Variants in DPP10 observed in about 807,000 individuals in gnomAD.
DPP10 encodes the protein inactive dipeptidyl peptidase 10.
A neutral mutation model predicts 120.9 loss-of-function variants in DPP10; 33 were observed. The ratio of observed to expected loss-of-function variants is 0.27; its 90% CI spans 0.21 to 0.37. DPP10 has a LOEUF of 0.37. DPP10 is among the 10% of genes least tolerant of loss of function. DPP10 has a pLI of 1.00. For synonymous variants in DPP10, 337 were observed against 326.1 expected (o/e 1.03, Z -0.36); for missense variants, 816 against 942.8 (o/e 0.87, Z 1.76).
chr2:114,973,953 A>G (rs1054597527), intron 1 of DPP10, among the ~76,000 whole-genome samples: 6 of 152,164 alleles, frequency 3.9e-5, no homozygotes, highest in African/African-American at 9.7e-5. Context: ...CTTAGAGAAT[A>G]AGGATATGAT....
At chr2:114,529,222 A>G (rs534451817) in intron 1 of DPP10, among the ~76,000 whole-genome samples, 50 of 152,204 alleles carry the variant, frequency 3.3e-4, no homozygotes, top group African/African-American at 1.2e-3. Flanking sequence ...AATTTTGCTC[A>G]TATCTGTGTT....
At chr2:115,512,490 A>T (rs2077287205) in intron 4 of DPP10, among the ~76,000 whole-genome samples, 1 of 149,124 alleles carries the variant, frequency 6.7e-6, no homozygotes, top group Non-Finnish European at 1.5e-5. Flanking sequence ...TTTCCTCTTT[A>T]CTTTCTCACT....
chr2:114,853,933 A>G (rs750811964), intron 1 of DPP10, among the ~76,000 whole-genome samples: 1 of 152,208 alleles, frequency 6.6e-6, no homozygotes, highest in Admixed American at 6.5e-5. Context: ...GCCCTAGTCA[A>G]TATCTCTACC....
At chr2:115,157,232 T>A in intron 1 of DPP10, among the ~76,000 whole-genome samples, 1 of 139,856 alleles carries the variant, frequency 7.2e-6, no homozygotes. Flanking sequence ...AGATGTGAGG[T>A]TTTAAATATA....
At chr2:115,569,136 G>A (rs188339809) in intron 5 of DPP10, among the ~76,000 whole-genome samples, 12 of 152,256 alleles carry the variant, frequency 7.9e-5, no homozygotes, top group African/African-American at 2.9e-4. Flanking sequence ...GAAAAACCAC[G>A]TTACAGAGAG....
At chr2:115,061,126 A>G (rs1056889430) in intron 1 of DPP10, among the ~76,000 whole-genome samples, 21 of 152,186 alleles carry the variant, frequency 1.4e-4, no homozygotes, top group African/African-American at 4.6e-4. Flanking sequence ...ATGAATTACC[A>G]CAATAAACAA....
chr2:114,599,982 A>G (rs935826392), intron 1 of DPP10, among the ~76,000 whole-genome samples: 8 of 151,666 alleles, frequency 5.3e-5, no homozygotes, highest in Admixed American at 4.6e-4. Context: ...TTTTAGAAAT[A>G]TGACTATTAT....
At chr2:115,086,795 T>C (rs1343426759) in intron 1 of DPP10, among the ~76,000 whole-genome samples, 3 of 152,024 alleles carry the variant, frequency 2.0e-5, no homozygotes, top group Non-Finnish European at 4.4e-5. Flanking sequence ...TGATGTCTCC[T>C]GCCTCCCTAA....
At chr2:115,585,498 T>C (rs965053875) in intron 5 of DPP10, among the ~76,000 whole-genome samples, 1 of 152,258 alleles carries the variant, frequency 6.6e-6, no homozygotes, top group African/African-American at 2.4e-5. Flanking sequence ...TTCTTAAATG[T>C]GATGTCAATT....
At chr2:114,729,484 A>G (rs1379898260) in intron 1 of DPP10, among the ~76,000 whole-genome samples, 1 of 152,252 alleles carries the variant, frequency 6.6e-6, no homozygotes, top group Non-Finnish European at 1.5e-5. Context: ...GCCAAAATGA[A>G]GAGCAAGGCC....
At chr2:115,827,447 T>TATATATATG (rs1388130768) in intron 21 of DPP10, among the ~76,000 whole-genome samples, 1 of 126,842 alleles carries the variant, frequency 7.9e-6, no homozygotes, top group Non-Finnish European at 1.6e-5. Context: ...TATATATATA[T>TATATATATG]GCTCTACAGT....
intron 3 of DPP10, among the ~76,000 whole-genome samples, chr2:115,484,148 C>CA (rs796822309): frequency 0.023 from 3,461 of 151,664 alleles, 58 homozygotes; most frequent in African/African-American, 0.049. Flanking sequence ...CACCCCCCCC[C>CA]CACACACAAA....
chr2:115,028,345 C>T (rs1224218826), intron 1 of DPP10, among the ~76,000 whole-genome samples: 2 of 152,010 alleles, frequency 1.3e-5, no homozygotes, highest in Admixed American at 6.6e-5. Flanking sequence ...TTCTTTATGA[C>T]CCATTGATCA....
chr2:115,213,043 G>A (rs974302114), intron 1 of DPP10, among the ~76,000 whole-genome samples: 1 of 151,988 alleles, frequency 6.6e-6, no homozygotes, highest in Non-Finnish European at 1.5e-5. Context: ...TATTCTTTAC[G>A]TGAGTTCTTA....
chr2:115,649,453 T>G (rs573131959), intron 5 of DPP10, among the ~76,000 whole-genome samples: 14 of 152,262 alleles, frequency 9.2e-5, no homozygotes, highest in African/African-American at 3.4e-4. Flanking sequence ...CAGTCTTCAT[T>G]CCTCCTTCAG....
intron 5 of DPP10, among the ~76,000 whole-genome samples, chr2:115,530,252 A>G (rs779803788): frequency 1.3e-5 from 2 of 152,192 alleles, no homozygotes; most frequent in African/African-American, 4.8e-5. Flanking sequence ...ATTTGTGGGT[A>G]TGCTCACATA....
At chr2:115,573,801 C>T (rs2081493751) in intron 5 of DPP10, among the ~76,000 whole-genome samples, 1 of 151,986 alleles carries the variant, frequency 6.6e-6, no homozygotes, top group Non-Finnish European at 1.5e-5. Flanking sequence ...CTGATCTGCC[C>T]GCCTTGACCT....
chr2:114,730,530 C>T (rs56658584), intron 1 of DPP10, among the ~76,000 whole-genome samples: 1,910 of 152,250 alleles, frequency 0.013, 48 homozygotes, highest in African/African-American at 0.044. Context: ...AAGAAACCCA[C>T]AATAGAGTCA....
chr2:115,293,010 G>C (rs888872770), intron 1 of DPP10, among the ~76,000 whole-genome samples: 2 of 152,008 alleles, frequency 1.3e-5, no homozygotes, highest in Non-Finnish European at 2.9e-5. Flanking sequence ...ATGAGCCCTG[G>C]CACTCAGGTT....
Sources: allele counts gnomAD v4.1 joint callset (sites outside exome capture counted in the v4.1 genomes callset), GRCh38; gene constraint gnomAD v4.1.1; transcripts MANE v1.5; gene names NCBI Gene and HGNC (gene_info 2026-07-23, HGNC 2026-07-21).